Variants in PDSS2 observed in about 807,000 individuals in gnomAD.
PDSS2 encodes decaprenyl diphosphate synthase subunit 2, also known as all trans-polyprenyl-diphosphate synthase PDSS2.
PDSS2 carries 31 observed loss-of-function variants against 44.5 expected under a neutral mutation model. That is an observed-to-expected ratio of 0.70 (90% CI 0.52 to 0.94). PDSS2 has a LOEUF of 0.94. Ranked by LOEUF, PDSS2 falls within the 40% of genes least tolerant of loss-of-function variation. PDSS2 has a pLI of 0.00. For missense variants in PDSS2, 452 were observed against 482.2 expected, an observed-to-expected ratio of 0.94 and a Z score of 0.59; for synonymous variants, 157 against 180.3, an observed-to-expected ratio of 0.87 and a Z score of 1.03.
In PDSS2 at chr6:107,274,124, T is replaced by C. The variant is rs1775693045; in HGVS notation, c.535A>G (p.Lys179Glu). Residue 179 changes from lysine (K) to glutamate (E), a missense_variant, in exon 3 of 8, where the codon AAA becomes GAA. Physicochemically the swap from Lys to Glu is moderately conservative, Grantham distance 56. Coordinates refer to ENST00000369037, the MANE Select transcript of PDSS2 (RefSeq NM_020381.4). ...NELQSSDGPL[K>E]DMQFGNKIAI... The stretch of plus-strand genomic sequence containing the variant: ...ATTTTATTTCCAAATTGCATGTCTT[T>C]CAGTGGACCATCAGATGATTGCAAC... 1 of 1,613,792 alleles carries C rather than the reference T, an allele frequency of 6.2e-7. No individual in the cohort carries two copies. The highest frequency in any genetic ancestry group is 1.7e-5 in the Admixed American group (1 of 60,020).
chr6:107,223,634 A>G (rs1187483383), intron 4 of PDSS2, among the ~76,000 whole-genome samples: 1 of 151,230 alleles, frequency 6.6e-6, no homozygotes, highest in Non-Finnish European at 1.5e-5. Flanking sequence ...AGATCGCTTG[A>G]GTCCAGGAGG....
At chr6:107,203,369 G>A (rs190893429) in intron 6 of PDSS2, among the ~76,000 whole-genome samples, 2 of 152,208 alleles carry the variant, frequency 1.3e-5, no homozygotes, top group East Asian at 1.9e-4. Flanking sequence ...TCTGAAATGA[G>A]TTTTACGCTT....
At chr6:107,387,896 TAGC>T (rs538594254) in intron 1 of PDSS2, among the ~76,000 whole-genome samples, 7 of 152,250 alleles carry the variant, frequency 4.6e-5, no homozygotes, top group Non-Finnish European at 2.9e-5. Context: ...TGAAGAAAGT[TAGC>T]AGACAACTAG....
At chr6:107,156,196 C>CTT (rs11447270) in intron 7 of PDSS2, among the ~76,000 whole-genome samples, 25,445 of 117,826 alleles carry the variant, frequency 0.22, 3,963 homozygotes, top group Non-Finnish European at 0.3. Context: ...GGCCTGAATG[C>CTT]TTTTTTTTTT....
chr6:107,176,429 T>C (rs202117897), intron 7 of PDSS2, among the ~76,000 whole-genome samples: 6 of 149,796 alleles, frequency 4.0e-5, no homozygotes, highest in Admixed American at 1.3e-4. Context: ...CACACACACA[T>C]ACACACACAC....
At chr6:107,274,332 C>T in intron 2 of PDSS2, 105 bp from the exon 3 acceptor site, 3 of 712,926 alleles carry the variant, frequency 4.2e-6, no homozygotes, top group South Asian at 1.9e-5. Flanking sequence ...TTGCCCCCCA[C>T]TTTTTTTTTT....
chr6:107,273,875 C>T (rs1222964071), intron 3 of PDSS2, among the ~76,000 whole-genome samples, 154 bp downstream of exon 3: 1 of 152,184 alleles, frequency 6.6e-6, no homozygotes, highest in Non-Finnish European at 1.5e-5. Context: ...CTGGTACTAA[C>T]ACTGCCATCA....
At chr6:107,403,677 G>A (rs555073860) in intron 1 of PDSS2, among the ~76,000 whole-genome samples, 4 of 152,278 alleles carry the variant, frequency 2.6e-5, no homozygotes, top group South Asian at 2.1e-4. Flanking sequence ...CAAGACTTGC[G>A]GCCTGCACCC....
chr6:107,203,059 A>G (rs11760082), intron 6 of PDSS2, among the ~76,000 whole-genome samples: 35,524 of 151,838 alleles, frequency 0.23, 5,064 homozygotes, highest in East Asian at 0.48. Flanking sequence ...AAAAAAATCG[A>G]CTCAGGTCTC....
intron 7 of PDSS2, among the ~76,000 whole-genome samples, chr6:107,171,269 C>T (rs1771565309): frequency 1.3e-5 from 2 of 151,978 alleles, no homozygotes; most frequent in Admixed American, 1.3e-4. Flanking sequence ...TTGAGCCATC[C>T]TCTCACTTTA....
chr6:107,354,468 A>G (rs955381638), intron 1 of PDSS2, among the ~76,000 whole-genome samples: 3 of 152,258 alleles, frequency 2.0e-5, no homozygotes, highest in African/African-American at 4.8e-5. Flanking sequence ...TCAGAAATAC[A>G]GGTACTCTGA....
At chr6:107,425,577 G>A (rs149832870) in intron 1 of PDSS2, among the ~76,000 whole-genome samples, 1 of 152,338 alleles carries the variant, frequency 6.6e-6, no homozygotes, top group African/African-American at 2.4e-5. Context: ...AAGCAGCAAA[G>A]CATTCAAGGG....
intron 1 of PDSS2, among the ~76,000 whole-genome samples, chr6:107,421,151 T>C (rs532571236): frequency 6.6e-6 from 1 of 152,268 alleles, no homozygotes; most frequent in East Asian, 1.9e-4. Flanking sequence ...TTACTACACA[T>C]CTATTAGAAT....
intron 1 of PDSS2, among the ~76,000 whole-genome samples, chr6:107,406,276 A>T (rs948047061): frequency 2.0e-4 from 31 of 152,204 alleles, no homozygotes; most frequent in Non-Finnish European, 1.8e-4. Flanking sequence ...AATTGGTTCC[A>T]AATGTTATTA....
intron 1 of PDSS2, among the ~76,000 whole-genome samples, chr6:107,342,150 C>A (rs1249436875): frequency 6.6e-6 from 1 of 151,580 alleles, no homozygotes; most frequent in Non-Finnish European, 1.5e-5. Flanking sequence ...CTTTGGATGC[C>A]CTGCACCCAG....
intron 1 of PDSS2, among the ~76,000 whole-genome samples, chr6:107,443,833 C>T (rs779667274): frequency 1.4e-4 from 22 of 152,090 alleles, no homozygotes; most frequent in Non-Finnish European, 2.5e-4. Context: ...ATCTTTTTCT[C>T]CCTCTATGTT....
In PDSS2 at chr6:107,430,883, T is replaced by A. The variant is rs1277800283; in HGVS notation, c.296+28107A>T. ...TTAACCAGCACCAGCAATTTCTTCATCTTCCTAATCTTCCTAACCCATTAG... is the reference window on the plus strand; with the variant it reads ...TTAACCAGCACCAGCAATTTCTTCAACTTCCTAATCTTCCTAACCCATTAG... On this transcript the variant is annotated intron_variant, in intron 1 of 7. Transcript: ENST00000369037. Among the ~76,000 whole-genome samples, 5 of 152,296 alleles carry A rather than the reference T, an allele frequency of 3.3e-5. No homozygotes were observed. In the East Asian group the frequency reaches 7.7e-4, roughly 23 times the overall value.
At chr6:107,269,208 C>T (rs1033133270) in intron 3 of PDSS2, among the ~76,000 whole-genome samples, 3 of 152,128 alleles carry the variant, frequency 2.0e-5, no homozygotes, top group African/African-American at 7.2e-5. Flanking sequence ...AAGCGTGAGC[C>T]ACTGCACCTG....
intron 4 of PDSS2, among the ~76,000 whole-genome samples, chr6:107,226,205 A>T (rs978929184): frequency 2.0e-5 from 3 of 152,170 alleles, no homozygotes; most frequent in Non-Finnish European, 2.9e-5. Flanking sequence ...GCTACTCGGG[A>T]GGCTGAGGCA....
Sources: allele counts gnomAD v4.1 joint callset (sites outside exome capture counted in the v4.1 genomes callset), GRCh38; gene constraint gnomAD v4.1.1; transcripts MANE v1.5; gene names NCBI Gene and HGNC (gene_info 2026-07-23, HGNC 2026-07-21).